Variants in BCKDHB observed in about 807,000 individuals in gnomAD.
The protein encoded by BCKDHB is branched chain keto acid dehydrogenase E1 subunit beta, also known as 2-oxoisovalerate dehydrogenase subunit beta, mitochondrial.
In BCKDHB, 41 loss-of-function variants were observed where a neutral mutation model predicts 48.5. That is an observed-to-expected ratio of 0.85 (90% CI 0.66 to 1.10). BCKDHB has a LOEUF of 1.10. Ranked by LOEUF, BCKDHB falls within the 50% of genes least tolerant of loss-of-function variation. The probability of loss-of-function intolerance (pLI) is 0.00; values close to 1 mark genes in which losing one functional copy is unlikely to be tolerated. For synonymous variants in BCKDHB, 201 were observed against 174.8 expected (o/e 1.15, Z -1.18); for missense variants, 496 against 494.2 (o/e 1.00, Z -0.03).
rs563875529 is a variant in BCKDHB at position 80,136,628 on chromosome 6, G to A, written c.343+7399G>A. Among the ~76,000 whole-genome samples the A allele has an allele frequency of 5.7e-4, 87 of 152,080 alleles. 1 individual carries two copies. Among genetic ancestry groups the A allele is most frequent in the African/African-American group, 2.0e-3 (81 of 41,516 alleles). ...TGGACTGCATCGAAATTAAAAATATGTACTTTGAAGGACACTATTAACAGG... is the reference window on the plus strand; with the variant it reads ...TGGACTGCATCGAAATTAAAAATATATACTTTGAAGGACACTATTAACAGG... On this transcript the variant is annotated intron_variant, in intron 3 of 9. Coordinates refer to ENST00000320393, the MANE Select transcript of BCKDHB (RefSeq NM_183050.4).
At chr6:80,411,124 GT>G in the BCKDHB span, among the ~76,000 whole-genome samples, 1 of 152,102 alleles carries the variant, frequency 6.6e-6, no homozygotes, top group Admixed American at 6.6e-5. Context: ...CTACAGATGG[GT>G]TTTTTGTGTG....
intron 9 of BCKDHB, among the ~76,000 whole-genome samples, chr6:80,336,593 A>G (rs1165541703): frequency 1.3e-5 from 2 of 151,964 alleles, no homozygotes; most frequent in East Asian, 1.9e-4. Context: ...CATTGAAGAT[A>G]GTTCAGTGAA....
At chr6:80,128,394 G>A (rs1408636682) in intron 2 of BCKDHB, among the ~76,000 whole-genome samples, 2 of 152,096 alleles carry the variant, frequency 1.3e-5, no homozygotes, top group Non-Finnish European at 2.9e-5. Flanking sequence ...ACATAGAGAA[G>A]GGTGAGTTTT....
chr6:80,237,277 GA>G (rs1776183254), intron 8 of BCKDHB, among the ~76,000 whole-genome samples: 1 of 152,206 alleles, frequency 6.6e-6, no homozygotes, highest in Non-Finnish European at 1.5e-5. Flanking sequence ...GATAGAGGCT[GA>G]AAACAGGGAT....
intron 9 of BCKDHB, among the ~76,000 whole-genome samples, chr6:80,294,156 G>A (rs1767093638): frequency 6.6e-6 from 1 of 152,186 alleles, no homozygotes; most frequent in Non-Finnish European, 1.5e-5. Flanking sequence ...CAGGGACCCC[G>A]AATGGAGGGA....
the BCKDHB span, among the ~76,000 whole-genome samples, chr6:80,390,247 A>T: frequency 6.6e-6 from 1 of 152,192 alleles, no homozygotes; most frequent in Non-Finnish European, 1.5e-5. Context: ...GGTCAATGGG[A>T]AGCTACAACA....
chr6:80,109,243 G>A (rs1769291078), intron 1 of BCKDHB, among the ~76,000 whole-genome samples: 1 of 152,140 alleles, frequency 6.6e-6, no homozygotes, highest in Non-Finnish European at 1.5e-5. Flanking sequence ...TACTTCAGAA[G>A]GTTGTTGTGA....
At chr6:80,405,999 C>A in the BCKDHB span, among the ~76,000 whole-genome samples, 1 of 152,144 alleles carries the variant, frequency 6.6e-6, no homozygotes, top group Non-Finnish European at 1.5e-5. Context: ...CACCAGGCCC[C>A]AGGGTGTGAT....
intron 9 of BCKDHB, among the ~76,000 whole-genome samples, chr6:80,291,298 C>G (rs940252383): frequency 1.2e-4 from 19 of 152,124 alleles, no homozygotes; most frequent in Non-Finnish European, 2.5e-4. Context: ...TGACATTCCT[C>G]TCTAATTGTC....
chr6:80,374,526 C>T, the BCKDHB span: 1 of 726,540 alleles, frequency 1.4e-6, no homozygotes, highest in Non-Finnish European at 2.6e-6. Context: ...TCTTGATTTG[C>T]ATGATTTTGT....
chr6:80,232,044 T>G (rs544330214), intron 8 of BCKDHB, among the ~76,000 whole-genome samples: 8 of 152,284 alleles, frequency 5.3e-5, no homozygotes, highest in Admixed American at 3.9e-4. Flanking sequence ...CTTTTAAAAT[T>G]TATTCTGTTT....
chr6:80,359,139 G>T, the BCKDHB span, among the ~76,000 whole-genome samples: 2 of 152,194 alleles, frequency 1.3e-5, no homozygotes, highest in African/African-American at 4.8e-5. Context: ...CCCATCTTTT[G>T]TTCCTTGCGC....
intron 9 of BCKDHB, among the ~76,000 whole-genome samples, chr6:80,324,288 T>G (rs1768915247): frequency 6.6e-6 from 1 of 152,174 alleles, no homozygotes; most frequent in African/African-American, 2.4e-5. Context: ...TAAGACTTTC[T>G]GTAGGTGGGA....
chr6:80,131,737 G>T (rs1770640333), intron 3 of BCKDHB, among the ~76,000 whole-genome samples: 1 of 151,994 alleles, frequency 6.6e-6, no homozygotes, highest in Non-Finnish European at 1.5e-5. Context: ...CTGCTTCCTG[G>T]GTTCAAGTGA....
chr6:80,453,784 G>A, the BCKDHB span, among the ~76,000 whole-genome samples: 2 of 152,012 alleles, frequency 1.3e-5, no homozygotes, highest in Non-Finnish European at 2.9e-5. Flanking sequence ...GAGGATTATA[G>A]TGCATTATTT....
intron 8 of BCKDHB, among the ~76,000 whole-genome samples, chr6:80,253,041 T>G (rs1207982597): frequency 6.6e-6 from 1 of 152,208 alleles, no homozygotes; most frequent in African/African-American, 2.4e-5. Flanking sequence ...AATTTAATTG[T>G]AAGCAACAGA....
the BCKDHB span, among the ~76,000 whole-genome samples, chr6:80,366,489 T>C: frequency 6.6e-6 from 1 of 152,122 alleles, no homozygotes; most frequent in Non-Finnish European, 1.5e-5. Flanking sequence ...GATTAAAGAA[T>C]CCAATTTAAA....
the BCKDHB span, among the ~76,000 whole-genome samples, chr6:80,436,768 C>T: frequency 6.6e-5 from 10 of 152,172 alleles, no homozygotes; most frequent in South Asian, 4.1e-4. Flanking sequence ...CACTTCTTTC[C>T]GTAAATCCAT....
intron 5 of BCKDHB, 140 bp downstream of exon 5, chr6:80,169,170 A>C (rs1772762330): frequency 1.7e-6 from 2 of 1,159,728 alleles, no homozygotes; most frequent in Non-Finnish European, 2.4e-6. Context: ...GTATTTAAGA[A>C]GGGGAGGTTA....
Sources: allele counts gnomAD v4.1 joint callset (sites outside exome capture counted in the v4.1 genomes callset), GRCh38; gene constraint gnomAD v4.1.1; transcripts MANE v1.5; gene names NCBI Gene and HGNC (gene_info 2026-07-23, HGNC 2026-07-21).